Variants in BCKDHB observed in about 807,000 individuals in gnomAD.
BCKDHB encodes 2-oxoisovalerate dehydrogenase subunit beta, mitochondrial.
A neutral mutation model predicts 48.5 loss-of-function variants in BCKDHB; 41 were observed. The ratio of observed to expected loss-of-function variants is 0.85; its 90% CI spans 0.66 to 1.10. The LOEUF (loss-of-function observed/expected upper bound fraction) is 1.10. Among genes scored for constraint, BCKDHB ranks in the 50% least tolerant of loss-of-function variants. The probability of loss-of-function intolerance (pLI) is 0.00; values close to 1 mark genes in which losing one functional copy is unlikely to be tolerated. For missense variants in BCKDHB, 496 were observed against 494.2 expected, an observed-to-expected ratio of 1.00 and a Z score of -0.03; for synonymous variants, 201 against 174.8, an observed-to-expected ratio of 1.15 and a Z score of -1.18.
rs202028281 is a variant in BCKDHB at position 80,254,510 on chromosome 6, A to T, written c.952-18625A>T. On this transcript the variant is annotated intron_variant, in intron 8 of 9. Coordinates refer to ENST00000320393, the MANE Select transcript of BCKDHB (RefSeq NM_183050.4). The stretch of plus-strand genomic sequence containing the variant: ...CTGGGGTTCAAGACCAGCCCAGGCA[A>T]CATAGTGAGACCCCATCTCTACAAA... Among the ~76,000 whole-genome samples, 8 of 152,100 alleles carry T rather than the reference A, an allele frequency of 5.3e-5. No individual in the cohort carries two copies. In the East Asian group the frequency reaches 1.3e-3, roughly 26 times the overall value.
At position 80,280,123 on chromosome 6, in the gene BCKDHB, C is replaced by A. The variant is rs1778136460; in HGVS notation, c.1038+6902C>A. 2.0e-5 allele frequency among the ~76,000 whole-genome samples: 3 copies of A among 152,166 alleles called. No homozygotes were observed. In the South Asian group the frequency reaches 6.2e-4, roughly 32 times the overall value. On this transcript the variant is annotated intron_variant, in intron 9 of 9. Coordinates refer to ENST00000320393, the MANE Select transcript of BCKDHB (RefSeq NM_183050.4). ...GTTGACAAGTAGGTAAGAATTAGAT[C>A]CTGAAGAATCTTAAATATTAAGGAA...
chr6:80,196,161 T>G (rs1562126932), intron 6 of BCKDHB, among the ~76,000 whole-genome samples: 1 of 152,186 alleles, frequency 6.6e-6, no homozygotes, highest in Non-Finnish European at 1.5e-5. Context: ...TATTAATATA[T>G]TGAATCAGAA....
intron 6 of BCKDHB, among the ~76,000 whole-genome samples, chr6:80,191,089 T>G (rs902284466): frequency 6.6e-6 from 1 of 152,168 alleles, no homozygotes; most frequent in African/African-American, 2.4e-5. Context: ...GTTTGCATTG[T>G]TTAACCATTT....
chr6:80,166,212 A>G (rs1772560267), intron 3 of BCKDHB, among the ~76,000 whole-genome samples: 1 of 152,200 alleles, frequency 6.6e-6, no homozygotes, highest in Non-Finnish European at 1.5e-5. Flanking sequence ...TGTGGAAAGG[A>G]TAGTCTGAAA....
At chr6:80,466,250 C>T in the BCKDHB span, among the ~76,000 whole-genome samples, 3 of 152,066 alleles carry the variant, frequency 2.0e-5, no homozygotes, top group Non-Finnish European at 2.9e-5. Flanking sequence ...CTATATTATA[C>T]TTACACATAT....
chr6:80,226,393 A>G (rs141078256), intron 8 of BCKDHB, among the ~76,000 whole-genome samples: 55 of 152,312 alleles, frequency 3.6e-4, no homozygotes, highest in African/African-American at 1.2e-3. Context: ...TGAAACTTCC[A>G]TGACTATTAA....
At chr6:80,308,881 G>A (rs748823794) in intron 9 of BCKDHB, among the ~76,000 whole-genome samples, 108 of 151,718 alleles carry the variant, frequency 7.1e-4, no homozygotes, top group Middle Eastern at 3.4e-3. Context: ...GCACCCGGCC[G>A]TAGATTTTCT....
chr6:80,270,975 T>G (rs533812791), intron 8 of BCKDHB, among the ~76,000 whole-genome samples: 1 of 152,288 alleles, frequency 6.6e-6, no homozygotes, highest in East Asian at 1.9e-4. Context: ...TTATTTATTT[T>G]AGACTTACTA....
intron 8 of BCKDHB, among the ~76,000 whole-genome samples, chr6:80,234,044 G>A (rs376970087): frequency 5.3e-5 from 8 of 152,126 alleles, no homozygotes; most frequent in South Asian, 2.1e-4. Context: ...TAGATCCCTC[G>A]CATGCACAGT....
chr6:80,392,110 A>G, the BCKDHB span, among the ~76,000 whole-genome samples: 2 of 152,072 alleles, frequency 1.3e-5, no homozygotes, highest in African/African-American at 2.4e-5. Context: ...ATCCTGCCTC[A>G]GCCTCCTGGG....
Position 80,140,584 on chromosome 6 carries a change from C to G in BCKDHB, c.343+11355C>G, listed in dbSNP as rs369739419. On this transcript the variant is annotated intron_variant, in intron 3 of 9. Transcript: ENST00000320393. ...AATCATGTGGTTTTTGTCTTTGGTT[C>G]TGTTTATATGCTGGATTACATTTAT... 3.3e-5 allele frequency among the ~76,000 whole-genome samples: 5 copies of G among 151,930 alleles called. No homozygotes were observed. In the East Asian group the frequency reaches 7.7e-4, roughly 23 times the overall value.
chr6:80,153,920 C>T (rs1771914886), intron 3 of BCKDHB, among the ~76,000 whole-genome samples: 1 of 152,148 alleles, frequency 6.6e-6, no homozygotes, highest in Admixed American at 6.6e-5. Context: ...TTATATACAC[C>T]AAACTTTCTA....
the BCKDHB span, among the ~76,000 whole-genome samples, chr6:80,363,640 T>A: frequency 6.6e-6 from 1 of 152,194 alleles, no homozygotes; most frequent in Non-Finnish European, 1.5e-5. Flanking sequence ...CATACATACT[T>A]TATTGTCATA....
chr6:80,434,961 G>C, the BCKDHB span, among the ~76,000 whole-genome samples: 2 of 152,080 alleles, frequency 1.3e-5, no homozygotes, highest in South Asian at 2.1e-4. Context: ...TCTTTGTGCA[G>C]CTTCTCTTCT....
the BCKDHB span, among the ~76,000 whole-genome samples, chr6:80,398,187 C>A: frequency 6.6e-6 from 1 of 151,574 alleles, no homozygotes; most frequent in Non-Finnish European, 1.5e-5. Flanking sequence ...GAAGCCAGAG[C>A]AAACAAATCC....
the BCKDHB span, among the ~76,000 whole-genome samples, chr6:80,424,138 C>T: frequency 6.6e-6 from 1 of 152,188 alleles, no homozygotes; most frequent in Non-Finnish European, 1.5e-5. Flanking sequence ...CAGATTCTGA[C>T]TGTCTTTCAG....
At chr6:80,411,356 G>C in the BCKDHB span, among the ~76,000 whole-genome samples, 1 of 152,178 alleles carries the variant, frequency 6.6e-6, no homozygotes, top group Non-Finnish European at 1.5e-5. Context: ...AGGGGGACCT[G>C]CCTGTATGAG....
chr6:80,244,748 A>ATG (rs1292207855), intron 8 of BCKDHB, among the ~76,000 whole-genome samples: 2 of 152,226 alleles, frequency 1.3e-5, no homozygotes, highest in Non-Finnish European at 1.5e-5. Flanking sequence ...CAATAAAGTA[A>ATG]TGATAGCTTG....
intron 9 of BCKDHB, 80 bp downstream of exon 9, chr6:80,273,301 C>A: frequency 8.3e-7 from 1 of 1,199,520 alleles, no homozygotes; most frequent in Non-Finnish European, 1.2e-6. Flanking sequence ...TTACTTATCA[C>A]AATATGTGAA....
Sources: allele counts gnomAD v4.1 joint callset (sites outside exome capture counted in the v4.1 genomes callset), GRCh38; gene constraint gnomAD v4.1.1; transcripts MANE v1.5; gene names NCBI Gene and HGNC (gene_info 2026-07-23, HGNC 2026-07-21).